IGF2BP3: variants seen among roughly 807,000 people sequenced by gnomAD.
The protein encoded by IGF2BP3 is insulin-like growth factor 2 mRNA-binding protein 3.
A neutral mutation model predicts 73.8 loss-of-function variants in IGF2BP3; 9 were observed. That is an observed-to-expected ratio of 0.12 (90% CI 0.07 to 0.21). IGF2BP3 has a LOEUF of 0.21. Ranked by LOEUF, IGF2BP3 falls within the 10% of genes least tolerant of loss-of-function variation. IGF2BP3 has a pLI of 1.00. For synonymous variants in IGF2BP3, 258 were observed against 256.7 expected (o/e 1.01, Z -0.05); for missense variants, 542 against 714.0 (o/e 0.76, Z 2.75).
rs375484844 is a variant in IGF2BP3, at chr7:23,313,267, A to T, written c.1527+255T>A. Among the ~76,000 whole-genome samples, 265 of 152,384 alleles carry T rather than the reference A, an allele frequency of 1.7e-3. 3 individuals carry two copies. Among genetic ancestry groups the T allele is most frequent in the African/African-American group, 6.1e-3 (253 of 41,596 alleles). ...CTGTTCCATAAAAAGCTAAAGTTTT[A>T]TCAGGAGAACGTTAAATGCCCTTTA... On this transcript the variant is annotated intron_variant, in intron 13 of 14. Coordinates refer to ENST00000258729, the MANE Select transcript of IGF2BP3 (RefSeq NM_006547.3).
At chr7:23,318,072 G>A (rs554835041) in intron 11 of IGF2BP3, among the ~76,000 whole-genome samples, 7 of 152,282 alleles carry the variant, frequency 4.6e-5, no homozygotes, top group Non-Finnish European at 1.0e-4. Flanking sequence ...TAGAGGGAGA[G>A]CTGGGTCTGT....
intron 2 of IGF2BP3, among the ~76,000 whole-genome samples, chr7:23,426,384 A>G (rs573564406): frequency 9.9e-5 from 15 of 151,966 alleles, no homozygotes; most frequent in African/African-American, 3.6e-4. Flanking sequence ...GGGGGAAAAA[A>G]TTTAATGAGC....
At chr7:23,338,339 G>T (rs1188007749) in intron 10 of IGF2BP3, among the ~76,000 whole-genome samples, 1 of 152,124 alleles carries the variant, frequency 6.6e-6, no homozygotes, top group East Asian at 1.9e-4. Context: ...CCCCTCCAAA[G>T]ACTAGTAAAC....
At chr7:23,418,944 T>C in intron 2 of IGF2BP3, 120 bp from the exon 3 acceptor site, 3 of 631,900 alleles carry the variant, frequency 4.7e-6, no homozygotes, top group South Asian at 4.9e-5. Flanking sequence ...CAAACCAATA[T>C]CTATTAAGAA....
chr7:23,338,953 A>C (rs1400174049), intron 10 of IGF2BP3, among the ~76,000 whole-genome samples: 1 of 152,256 alleles, frequency 6.6e-6, no homozygotes, highest in Non-Finnish European at 1.5e-5. Flanking sequence ...ACACATGTAG[A>C]ATAAAATATC....
intron 3 of IGF2BP3, among the ~76,000 whole-genome samples, chr7:23,385,395 T>C (rs1377782607): frequency 6.6e-6 from 1 of 152,184 alleles, no homozygotes; most frequent in African/African-American, 2.4e-5. Flanking sequence ...GAGCTAAAAA[T>C]ACTGATGCCT....
intron 10 of IGF2BP3, among the ~76,000 whole-genome samples, chr7:23,331,972 T>C (rs532937522): frequency 5.7e-4 from 86 of 152,076 alleles, no homozygotes; most frequent in Admixed American, 9.2e-4. Flanking sequence ...TACGTCTTAC[T>C]TGGCGGCAGG....
At chr7:23,418,173 G>C (rs771309027) in intron 3 of IGF2BP3, among the ~76,000 whole-genome samples, 16 of 152,068 alleles carry the variant, frequency 1.1e-4, no homozygotes, top group Non-Finnish European at 2.2e-4. Context: ...CCCTCTCCAA[G>C]GTGGGTTTTA....
intron 10 of IGF2BP3, among the ~76,000 whole-genome samples, chr7:23,332,897 T>C (rs1229062788): frequency 6.6e-6 from 1 of 152,230 alleles, no homozygotes; most frequent in African/African-American, 2.4e-5. Flanking sequence ...CTAAATATTT[T>C]ATCTCACTAA....
chr7:23,467,364 C>A (rs530184290), intron 2 of IGF2BP3, among the ~76,000 whole-genome samples: 3 of 152,296 alleles, frequency 2.0e-5, no homozygotes, highest in Admixed American at 1.3e-4. Flanking sequence ...ACTCTCTCAC[C>A]AATATCTAAC....
rs868393299 is a variant in IGF2BP3 at position 23,451,988 on chromosome 7, T to C, written c.236+16494A>G. On this transcript the variant is annotated intron_variant, in intron 2 of 14. Coordinates refer to ENST00000258729, the MANE Select transcript of IGF2BP3 (RefSeq NM_006547.3). ...GGTTAGAATAGGGTATGTTTTCTTT[T>C]TTCCTTTTTTTTTTTTATTTATTTT... is the stretch of plus-strand genomic sequence containing the variant. 9.1e-4 allele frequency among the ~76,000 whole-genome samples: 137 copies of C among 150,542 alleles called. 1 individual carries two copies. The highest frequency in any genetic ancestry group is 6.8e-3 in the Middle Eastern group (2 of 294).
chr7:23,462,258 T>C (rs528460683), intron 2 of IGF2BP3, among the ~76,000 whole-genome samples: 28 of 152,266 alleles, frequency 1.8e-4, no homozygotes, highest in African/African-American at 3.4e-4. Flanking sequence ...ATAACCACAA[T>C]AGAATCAGCT....
In IGF2BP3 at chr7:23,430,086, CT is replaced by C. The variant is rs1156607130; in HGVS notation, c.237-11263del. 3.7e-3 allele frequency among the ~76,000 whole-genome samples: 504 copies of C among 138,042 alleles called. 2 individuals are homozygous for C. Among genetic ancestry groups the C allele is most frequent in the African/African-American group, 7.2e-3 (268 of 37,372 alleles). 90.6% of individuals were successfully genotyped at this position (138,042 alleles called of 152,430 possible). On this transcript the variant is annotated intron_variant, in intron 2 of 14. Coordinates refer to ENST00000258729, the MANE Select transcript of IGF2BP3 (RefSeq NM_006547.3). ...ACTTGTAACATGTTCTTCTTTGCCTCTTTTTTTTTTTTTTTTTGAGATGGAA... is the reference window on the plus strand; with the variant it reads ...ACTTGTAACATGTTCTTCTTTGCCTCTTTTTTTTTTTTTTTTGAGATGGAA...
At chr7:23,417,886 C>A (rs1336166468) in intron 3 of IGF2BP3, among the ~76,000 whole-genome samples, 1 of 152,058 alleles carries the variant, frequency 6.6e-6, no homozygotes, top group East Asian at 1.9e-4. Context: ...AAAAACCAAC[C>A]CCTTCCTGCA....
intron 10 of IGF2BP3, among the ~76,000 whole-genome samples, chr7:23,338,441 C>T (rs1784628130): frequency 6.6e-6 from 1 of 152,114 alleles, no homozygotes; most frequent in Non-Finnish European, 1.5e-5. Flanking sequence ...GGATCACTTG[C>T]ACCCAGGAGT....
intron 3 of IGF2BP3, among the ~76,000 whole-genome samples, chr7:23,403,987 A>T (rs947203249): frequency 5.0e-4 from 75 of 150,668 alleles, no homozygotes; most frequent in African/African-American, 1.3e-3. Context: ...TTTTTTTTTT[A>T]AATTAATGGG....
chr7:23,424,047 G>A (rs1787427787), intron 2 of IGF2BP3, among the ~76,000 whole-genome samples: 1 of 152,106 alleles, frequency 6.6e-6, no homozygotes, highest in African/African-American at 2.4e-5. Flanking sequence ...GAACCCGGGA[G>A]ACGGAGGTTG....
At chr7:23,384,379 G>A (rs528256921) in intron 3 of IGF2BP3, among the ~76,000 whole-genome samples, 1 of 152,170 alleles carries the variant, frequency 6.6e-6, no homozygotes, top group South Asian at 2.1e-4. Flanking sequence ...ATTAATTGTG[G>A]TAGTATGTAT....
chr7:23,439,798 T>A (rs1202549397), intron 2 of IGF2BP3, among the ~76,000 whole-genome samples: 1 of 152,106 alleles, frequency 6.6e-6, no homozygotes, highest in Non-Finnish European at 1.5e-5. Context: ...CTGAGGTGGG[T>A]GGGAGCACCA....
Sources: gnomAD v4.1 joint callset for allele counts (sites outside exome capture counted in the v4.1 genomes callset) on GRCh38, gnomAD v4.1.1 for gene constraint, MANE v1.5 for transcripts, NCBI Gene and HGNC (gene_info 2026-07-23, HGNC 2026-07-21) for gene names.